Variants in EPHA6 observed in about 807,000 individuals in gnomAD.
EPHA6 encodes EPH receptor A6.
A neutral mutation model predicts 112.0 loss-of-function variants in EPHA6; 50 were observed. The observed-to-expected ratio is 0.45, with a 90% CI of 0.36 to 0.56. The LOEUF is 0.56. Ranked by LOEUF, EPHA6 falls within the 20% of genes least tolerant of loss-of-function variation. EPHA6 has a pLI of 0.00. For missense variants in EPHA6, 1,280 were observed against 1,417.4 expected, an observed-to-expected ratio of 0.90 and a Z score of 1.56; for synonymous variants, 529 against 490.7, an observed-to-expected ratio of 1.08 and a Z score of -1.03.
chr3:97,390,238 C>A (rs894591210), intron 5 of EPHA6, among the ~76,000 whole-genome samples: 10 of 152,180 alleles, frequency 6.6e-5, no homozygotes, highest in African/African-American at 2.4e-4. Flanking sequence ...TTTGCTGTTG[C>A]ATTGCATTAT....
chr3:97,230,512 G>A (rs971096821), intron 4 of EPHA6, among the ~76,000 whole-genome samples: 1 of 152,070 alleles, frequency 6.6e-6, no homozygotes. Flanking sequence ...AGCAAAGAAA[G>A]GTTTAATTCT....
At chr3:97,436,588 C>T (rs554571453) in intron 6 of EPHA6, among the ~76,000 whole-genome samples, 1 of 152,036 alleles carries the variant, frequency 6.6e-6, no homozygotes, top group Non-Finnish European at 1.5e-5. Context: ...GTTTTGTGGC[C>T]GATTTGGACA....
At chr3:96,980,037 C>T (rs1284572655) in intron 2 of EPHA6, among the ~76,000 whole-genome samples, 1 of 152,154 alleles carries the variant, frequency 6.6e-6, no homozygotes, top group Non-Finnish European at 1.5e-5. Flanking sequence ...TTTTGCTGTG[C>T]AGAAGCTCTT....
Position 97,302,416 on chromosome 3 carries a change from C to A in EPHA6, c.1606+58129C>A, listed in dbSNP as rs141234816. Among the ~76,000 whole-genome samples, 797 of 150,984 alleles carry A rather than the reference C, an allele frequency of 5.3e-3. 15 individuals are homozygous for A. Among genetic ancestry groups the A allele is most frequent in the African/African-American group, 0.018 (763 of 41,286 alleles). On this transcript the variant is annotated intron_variant, in intron 5 of 17. Coordinates refer to ENST00000389672, the MANE Select transcript of EPHA6 (RefSeq NM_001080448.3). ...TATTATTTTTGTCCATAGAGATTTT[C>A]CTAAAGCCTGATGTCATTACACAGA...
Position 96,814,975 on chromosome 3 carries a change from C to T in EPHA6, c.352C>T (p.Pro118Ser). The T allele has an allele frequency of 1.3e-6, 2 of 1,539,148 alleles. No individual in the cohort carries two copies. Among genetic ancestry groups the T allele is most frequent in the Non-Finnish European group, 1.8e-6 (2 of 1,138,792 alleles). Residue 118 changes from proline to serine, a missense_variant, in exon 1 of 18, where the codon CCA (proline) becomes TCA (serine). Transcript: ENST00000389672. ...GFFLPLLTAW[P>S]GDCSHVSNNQ... is the part of the protein sequence containing the mutation. Reference sequence around the variant, plus strand: ...CTTCTTGCCTCTGCTGACAGCGTGGCCAGGCGACTGCAGTCACGTCTCCAA... The same window carrying T: ...CTTCTTGCCTCTGCTGACAGCGTGGTCAGGCGACTGCAGTCACGTCTCCAA...
chr3:96,887,192 T>C (rs1575928327), intron 2 of EPHA6, among the ~76,000 whole-genome samples: 2 of 152,136 alleles, frequency 1.3e-5, no homozygotes, highest in East Asian at 3.9e-4. Flanking sequence ...AGGGTTGGTT[T>C]TCTGGTTCCT....
intron 5 of EPHA6, among the ~76,000 whole-genome samples, chr3:97,394,496 G>A (rs1369394896): frequency 6.6e-6 from 1 of 151,668 alleles, no homozygotes; most frequent in Non-Finnish European, 1.5e-5. Flanking sequence ...CTGCAGTAAG[G>A]GAGAAAATGT....
intron 5 of EPHA6, among the ~76,000 whole-genome samples, chr3:97,275,194 T>C (rs985171559): frequency 1.3e-5 from 2 of 152,092 alleles, no homozygotes; most frequent in Admixed American, 6.6e-5. Flanking sequence ...AAAGGAGTTA[T>C]TGCTTTGTAG....
At chr3:97,577,758 T>C (rs2093400550) in intron 11 of EPHA6, among the ~76,000 whole-genome samples, 3 of 152,218 alleles carry the variant, frequency 2.0e-5, no homozygotes, top group Non-Finnish European at 4.4e-5. Flanking sequence ...TAAGAAGTTG[T>C]ATATAAATAT....
chr3:97,423,933 A>G (rs2088884055), intron 6 of EPHA6, among the ~76,000 whole-genome samples: 1 of 152,216 alleles, frequency 6.6e-6, no homozygotes, highest in Non-Finnish European at 1.5e-5. Context: ...TGATGCAGAA[A>G]TAACTGGTTA....
In EPHA6 at chr3:96,903,757, A is replaced by G. The variant is rs560625759; in HGVS notation, c.450+36868A>G. 3.3e-5 allele frequency among the ~76,000 whole-genome samples: 5 copies of G among 152,316 alleles called. No homozygotes were observed. In the East Asian group the frequency reaches 9.7e-4, roughly 29 times the overall value. ...ATCTACAATGAACTCAAACAAATTT[A>G]CAAGAAAAAACAAACAACCCCATCA... On this transcript the variant is annotated intron_variant, in intron 2 of 17. Coordinates refer to ENST00000389672, the MANE Select transcript of EPHA6 (RefSeq NM_001080448.3).
rs562332911 is a variant in EPHA6, at chr3:97,338,131, T to C, written c.1607-67019T>C. ...GTGTTTTCCACAAACAAGTAAAACT[T>C]ATTAGCTCTTGAGAGTCTACCCCTT... On this transcript the variant is annotated intron_variant, in intron 5 of 17. Transcript: ENST00000389672. Among the ~76,000 whole-genome samples, 38 of 151,954 alleles carry C rather than the reference T, an allele frequency of 2.5e-4. No homozygotes were observed. The Middle Eastern group carries it at 0.014, about 54-fold the overall frequency.
At chr3:97,586,608 C>G (rs2093490704) in intron 11 of EPHA6, among the ~76,000 whole-genome samples, 4 of 151,482 alleles carry the variant, frequency 2.6e-5, no homozygotes. Flanking sequence ...GAGGGAAATA[C>G]ACAGTCTGAC....
rs536914207 is a variant in EPHA6, at chr3:96,977,594, G to A, written c.451-9736G>A. On this transcript the variant is annotated intron_variant, in intron 2 of 17. Transcript: ENST00000389672. The stretch of plus-strand genomic sequence containing the variant: ...TGCCATACTCATATTCTTGCCTTGG[G>A]ACCCCTACTTTTTAGAGACCCTATT... 3.2e-3 allele frequency among the ~76,000 whole-genome samples: 486 copies of A among 152,158 alleles called. 2 individuals carry two copies. The highest frequency in any genetic ancestry group is 0.031 in the Middle Eastern group (9 of 294).
intron 2 of EPHA6, among the ~76,000 whole-genome samples, chr3:96,967,722 T>C (rs2042175549): frequency 6.6e-6 from 1 of 151,692 alleles, no homozygotes; most frequent in East Asian, 1.9e-4. Flanking sequence ...TATTGGAAGT[T>C]CCTTTGTTAA....
intron 5 of EPHA6, among the ~76,000 whole-genome samples, chr3:97,248,529 G>T (rs530404471): frequency 1.3e-5 from 2 of 152,220 alleles, no homozygotes; most frequent in Non-Finnish European, 2.9e-5. Flanking sequence ...TAGGGACCAT[G>T]TTCAAAGTGA....
At chr3:97,234,741 G>T (rs2078632110) in intron 4 of EPHA6, among the ~76,000 whole-genome samples, 1 of 151,734 alleles carries the variant, frequency 6.6e-6, no homozygotes, top group African/African-American at 2.4e-5. Flanking sequence ...TCTTTTTATT[G>T]CCCTTTTATC....
intron 3 of EPHA6, among the ~76,000 whole-genome samples, chr3:97,005,476 G>A (rs568519610): frequency 6.6e-6 from 1 of 152,248 alleles, no homozygotes; most frequent in Non-Finnish European, 1.5e-5. Flanking sequence ...TATATTCTGC[G>A]ACTTTGCTGG....
chr3:97,728,265 A>AT (rs11484394), intron 15 of EPHA6, among the ~76,000 whole-genome samples: 149,142 of 152,012 alleles, frequency 0.98, 73,185 homozygotes, highest in East Asian at 0.99. Flanking sequence ...AAGAAATTTC[A>AT]TTTTTTCCCA....
Sources: gnomAD v4.1 joint callset for allele counts (sites outside exome capture counted in the v4.1 genomes callset) on GRCh38, gnomAD v4.1.1 for gene constraint, MANE v1.5 for transcripts, NCBI Gene and HGNC (gene_info 2026-07-23, HGNC 2026-07-21) for gene names.